The following UGT1A4 variants were observed in gnomAD, a reference collection of about 807,000 sequenced individuals.
UGT1A4 encodes the protein UDP-glucuronosyltransferase 1A4.
A neutral mutation model predicts 41.1 loss-of-function variants in UGT1A4; 32 were observed. The observed-to-expected ratio is 0.78, with a 90% CI of 0.59 to 1.05. The LOEUF (loss-of-function observed/expected upper bound fraction) is 1.05. UGT1A4 is among the 50% of genes least tolerant of loss of function. The pLI is 0.00. For missense variants in UGT1A4, 748 were observed against 677.4 expected (o/e 1.10, Z -1.16); for synonymous variants, 283 against 265.1 (o/e 1.07, Z -0.66).
intron 1 of UGT1A4, chr2:233,747,330 C>A (rs896598113): frequency 4.4e-6 from 7 of 1,603,408 alleles, no homozygotes; most frequent in Non-Finnish European, 6.0e-6. Context: ...TTGATGGCAG[C>A]CACTGGCTCG....
chr2:233,744,228 G>A (rs1189849107), intron 1 of UGT1A4, among the ~76,000 whole-genome samples: 1 of 151,768 alleles, frequency 6.6e-6, no homozygotes, highest in Non-Finnish European at 1.5e-5. Flanking sequence ...GAAAAGAGAG[G>A]GCCTTGACTT....
chr2:233,772,682 G>A lies in UGT1A4; in HGVS notation c.*123G>A, dbSNP rs1700541485. The A allele has an allele frequency of 6.7e-7, 1 of 1,494,640 alleles. No individual in the cohort carries two copies. The allele number at this position is 1,494,640 out of a possible 1,614,324, so 92.6% of individuals were successfully genotyped here. On this transcript the variant is annotated 3_prime_UTR_variant, in exon 5 of 5. Coordinates refer to ENST00000373409, the MANE Select transcript of UGT1A4 (RefSeq NM_007120.3). ...GGAAATACTTTGCATAAATTAATCA[G>A]CCCCAGAGTGCTTTAAAAAATTCTC...
intron 1 of UGT1A4, among the ~76,000 whole-genome samples, chr2:233,723,516 C>CTTT (rs1162916866): frequency 1.9e-4 from 16 of 85,394 alleles, no homozygotes; most frequent in African/African-American, 7.3e-4. Context: ...GGTCAACAAT[C>CTTT]TTTTTTTTTT....
At chr2:233,749,562 T>C (rs541768746) in intron 1 of UGT1A4, among the ~76,000 whole-genome samples, 1 of 151,994 alleles carries the variant, frequency 6.6e-6, no homozygotes, top group Non-Finnish European at 1.5e-5. Context: ...ATGTATTCAA[T>C]AGTGAGGCCA....
chr2:233,755,243 TC>T (rs1695828165), intron 1 of UGT1A4: 10 of 851,914 alleles, frequency 1.2e-5, no homozygotes. Flanking sequence ...ACCGGGGTAC[TC>T]CCAGCACCTC....
At chr2:233,755,256 T>C in intron 1 of UGT1A4, 1 of 820,386 alleles carries the variant, frequency 1.2e-6, no homozygotes, top group Non-Finnish European at 1.8e-6. Context: ...CAGCACCTCG[T>C]AGTAGTCCAC....
chr2:233,744,977 C>T (rs528812849), intron 1 of UGT1A4, among the ~76,000 whole-genome samples: 2 of 151,856 alleles, frequency 1.3e-5, no homozygotes, highest in Non-Finnish European at 1.5e-5. Flanking sequence ...CTTTAAGCCT[C>T]TAGTCATCTC....
chr2:233,751,021 C>G (rs74787288), intron 1 of UGT1A4, among the ~76,000 whole-genome samples: 5,661 of 151,884 alleles, frequency 0.037, 155 homozygotes, highest in Non-Finnish European at 0.057. Flanking sequence ...AATAGTAGAT[C>G]CAATAGCTTG....
chr2:233,764,530 T>C (rs572226432), intron 1 of UGT1A4, among the ~76,000 whole-genome samples: 7 of 152,338 alleles, frequency 4.6e-5, no homozygotes, highest in African/African-American at 1.7e-4. Flanking sequence ...ATCCTGCTGA[T>C]TGCTGAGTGG....
intron 1 of UGT1A4, among the ~76,000 whole-genome samples, chr2:233,752,861 G>T (rs1247616817): frequency 2.0e-5 from 3 of 152,178 alleles, no homozygotes; most frequent in Non-Finnish European, 2.9e-5. Context: ...TGAACTTTGT[G>T]TTAGCTTTCA....
chr2:233,759,602 C>T (rs1283516103), intron 1 of UGT1A4, among the ~76,000 whole-genome samples: 2 of 135,262 alleles, frequency 1.5e-5, no homozygotes, highest in African/African-American at 5.3e-5. Flanking sequence ...ACCCCCGACC[C>T]GCCCCACCCA....
At chr2:233,755,000 G>A (rs1457245121) in intron 1 of UGT1A4, 1 of 1,292,978 alleles carries the variant, frequency 7.7e-7, no homozygotes, top group Non-Finnish European at 1.0e-6. Flanking sequence ...GGAAGCTGAA[G>A]ACCTACTCGA....
intron 1 of UGT1A4, chr2:233,729,433 A>T (rs2077858164): frequency 6.2e-7 from 1 of 1,613,790 alleles, no homozygotes; most frequent in African/African-American, 1.3e-5. Flanking sequence ...GTACTTTGAA[A>T]CAGAACATTT....
intron 1 of UGT1A4, among the ~76,000 whole-genome samples, chr2:233,758,061 G>A (rs554813737): frequency 6.6e-6 from 1 of 152,232 alleles, no homozygotes; most frequent in Non-Finnish European, 1.5e-5. Context: ...TTTCTAACTT[G>A]ACTTTCTGGG....
intron 2 of UGT1A4, 29 bp downstream of exon 2, chr2:233,767,194 A>C (rs746011204): frequency 1.9e-6 from 3 of 1,613,774 alleles, no homozygotes; most frequent in Non-Finnish European, 2.5e-6. Flanking sequence ...ATGGCCTCAT[A>C]TCTATTTTCA....
intron 1 of UGT1A4, among the ~76,000 whole-genome samples, chr2:233,739,298 C>T (rs11691827): frequency 0.094 from 14,308 of 152,206 alleles, 1,367 homozygotes; most frequent in African/African-American, 0.26. Flanking sequence ...CACTGGGGCA[C>T]TGCCTAGTGG....
intron 1 of UGT1A4, chr2:233,743,023 A>G (rs574856700): frequency 4.1e-6 from 1 of 244,096 alleles, no homozygotes; most frequent in East Asian, 1.0e-4. Context: ...CGATTGAAAG[A>G]CAAACAGAGG....
At position 233,747,601 on chromosome 2, in the gene UGT1A4, AGCTACT is replaced by A. The variant is rs1032585099; in HGVS notation, c.868-19430_868-19425del. 3.2e-6 allele frequency: 5 copies of A among 1,575,002 alleles called. No individual in the cohort carries two copies. In the African/African-American group the frequency reaches 6.8e-5, roughly 21 times the overall value. The stretch of plus-strand genomic sequence containing the variant: ...TTGGTCTTTCATAGGTCTTGTGTGG[AGCTACT>A]GCATAATGAGGCCCTGATCAGGCAC... On this transcript the variant is annotated intron_variant, in intron 1 of 4. Transcript: ENST00000373409.
intron 1 of UGT1A4, among the ~76,000 whole-genome samples, chr2:233,745,740 G>A (rs1693195294): frequency 6.6e-6 from 1 of 150,538 alleles, no homozygotes; most frequent in Admixed American, 6.6e-5. Context: ...GGCAGAGGGA[G>A]GGGGCAAGCA....
Sources: gnomAD v4.1 joint callset for allele counts (sites outside exome capture counted in the v4.1 genomes callset) on GRCh38, gnomAD v4.1.1 for gene constraint, MANE v1.5 for transcripts, NCBI Gene and HGNC (gene_info 2026-07-23, HGNC 2026-07-21) for gene names.